ASAP2: variants seen among roughly 807,000 people sequenced by gnomAD.
ASAP2 encodes ArfGAP with SH3 domain, ankyrin repeat and PH domain 2.
In ASAP2, 45 loss-of-function variants were observed where a neutral mutation model predicts 131.4. The ratio of observed to expected loss-of-function variants is 0.34; its 90% CI spans 0.27 to 0.44. The LOEUF is 0.44. Ranked by LOEUF, ASAP2 falls within the 20% of genes least tolerant of loss-of-function variation. The pLI, the probability that ASAP2 is intolerant of heterozygous loss-of-function variation, is 1.00. For missense variants in ASAP2, 1,011 were observed against 1,297.0 expected (o/e 0.78, Z 3.39); for synonymous variants, 510 against 503.0 (o/e 1.01, Z -0.19).
At chr2:9,387,793 G>A (rs967061814) in intron 21 of ASAP2, among the ~76,000 whole-genome samples, 1 of 152,140 alleles carries the variant, frequency 6.6e-6, no homozygotes, top group African/African-American at 2.4e-5. Flanking sequence ...CTGAGACTGG[G>A]TAGTTTATAA....
Position 9,400,790 on chromosome 2 carries a change from T to G in ASAP2, c.2783T>G (p.Val928Gly). ...EALGPLSNAMVLQPPAPMPRK... is the reference protein window; with the variant it reads ...EALGPLSNAMGLQPPAPMPRK... ...CTGGGTCCTCTGTCCAATGCTATGG[T>G]CCTGCAGCCCCCTGCACCCATGCCT... Residue 928 changes from valine to glycine, a missense_variant, in exon 26 of 28, where the codon GTC becomes GGC. By Grantham distance (109) the Val-to-Gly change is moderately radical. Transcript: ENST00000281419. 1 of 1,613,728 alleles carries G rather than the reference T, an allele frequency of 6.2e-7. No individual in the cohort carries two copies. Among genetic ancestry groups the G allele is most frequent in the Non-Finnish European group, 8.5e-7 (1 of 1,179,964 alleles).
At chr2:9,309,429 A>G (rs919258365) in intron 3 of ASAP2, among the ~76,000 whole-genome samples, 3 of 152,206 alleles carry the variant, frequency 2.0e-5, no homozygotes, top group African/African-American at 7.2e-5. Context: ...AAAATTCCGG[A>G]AAGTGCAGTG....
At chr2:9,243,476 G>A (rs1250060340) in intron 1 of ASAP2, among the ~76,000 whole-genome samples, 1 of 152,144 alleles carries the variant, frequency 6.6e-6, no homozygotes, top group Non-Finnish European at 1.5e-5. Context: ...GAACTCAGAC[G>A]GAAAATGTGA....
Position 9,279,402 on chromosome 2 carries a change from C to T in ASAP2, c.199+13C>T, listed in dbSNP as rs755713728. 109 of 1,611,098 alleles carry T rather than the reference C, an allele frequency of 6.8e-5. No homozygotes were observed. Among genetic ancestry groups the T allele is most frequent in the Non-Finnish European group, 9.0e-5 (106 of 1,177,364 alleles). ...AGCTCTGGGCTGGGTGAGTATACAT[C>T]CTTCCCTAGAGGTTTCTGTGTGGAA... On this transcript the variant is annotated intron_variant, in intron 2 of 27. Coordinates refer to ENST00000281419, the MANE Select transcript of ASAP2 (RefSeq NM_003887.3).
chr2:9,348,987 C>G (rs181812298), intron 11 of ASAP2, among the ~76,000 whole-genome samples: 1 of 152,294 alleles, frequency 6.6e-6, no homozygotes, highest in African/African-American at 2.4e-5. Context: ...ATCCTAGCTT[C>G]CCCGCTCCCT....
rs776960593 is a variant in ASAP2, at chr2:9,388,461, C to A, written c.2298C>A (p.Leu766=). The A allele has an allele frequency of 6.2e-7, 1 of 1,614,030 alleles. No individual in the cohort carries two copies. The highest frequency in any genetic ancestry group is 2.2e-5 in the East Asian group (1 of 44,898). The change falls in exon 22 of 28, where the codon CTC becomes CTA. Residue 766 remains leucine (L), a synonymous_variant. Coordinates refer to ENST00000281419, the MANE Select transcript of ASAP2 (RefSeq NM_003887.3). ...TGCAGAATGAGACTTACGGAGCCCT[C>A]CTGAGTGGCAGCCCACCTCCCGCCC... is the stretch of plus-strand genomic sequence containing the variant. ...SILQNETYGA[L]LSGSPPPAQP...
chr2:9,392,797 G>C lies in ASAP2; in HGVS notation c.2519-685G>C, dbSNP rs1322483446. Among the ~76,000 whole-genome samples the C allele has an allele frequency of 6.6e-6, 1 of 152,180 alleles. No homozygotes were observed. Among genetic ancestry groups the C allele is most frequent in the Non-Finnish European group, 1.5e-5 (1 of 68,026 alleles). Reference sequence around the variant, plus strand: ...TATGTGTTACCCATCCTGAGGCCCAGTATGATAAGCCCGACATTTAGAGAG... The same window carrying C: ...TATGTGTTACCCATCCTGAGGCCCACTATGATAAGCCCGACATTTAGAGAG... On this transcript the variant is annotated intron_variant, in intron 23 of 27. Transcript: ENST00000281419. This position sits in a 1 kb window ranked among gnomAD's most constrained non-coding sequence, Gnocchi z 4.0.
chr2:9,361,459 G>A (rs115967869), intron 15 of ASAP2, among the ~76,000 whole-genome samples: 87 of 152,304 alleles, frequency 5.7e-4, no homozygotes, highest in African/African-American at 2.0e-3. Flanking sequence ...TAAGCAGTAC[G>A]TAGGGTGTCA....
chr2:9,360,363 A>T (rs952607636), intron 15 of ASAP2, among the ~76,000 whole-genome samples: 1 of 152,200 alleles, frequency 6.6e-6, no homozygotes, highest in African/African-American at 2.4e-5. Context: ...GCCTAGGGTT[A>T]TGAAGCTTTT....
chr2:9,315,441 G>A (rs1178424189), intron 3 of ASAP2, among the ~76,000 whole-genome samples: 1 of 152,198 alleles, frequency 6.6e-6, no homozygotes, highest in Admixed American at 6.5e-5. Context: ...GTTGAGAAGC[G>A]TGCCGCACGG....
chr2:9,331,542 C>T (rs1269840813), intron 7 of ASAP2, among the ~76,000 whole-genome samples: 2 of 152,028 alleles, frequency 1.3e-5, no homozygotes, highest in Admixed American at 6.5e-5. Flanking sequence ...CCAAGGGGGG[C>T]GGATCACCTG....
chr2:9,343,319 C>T (rs1301369883), intron 9 of ASAP2, among the ~76,000 whole-genome samples: 1 of 152,230 alleles, frequency 6.6e-6, no homozygotes, highest in Non-Finnish European at 1.5e-5. Context: ...TCCTGGTTGA[C>T]CTGTGAACAC....
At chr2:9,326,438 T>G (rs1670480475) in intron 6 of ASAP2, among the ~76,000 whole-genome samples, 1 of 151,822 alleles carries the variant, frequency 6.6e-6, no homozygotes, top group Non-Finnish European at 1.5e-5. Context: ...GTATGTCAAA[T>G]AGGTAGTACA....
intron 11 of ASAP2, among the ~76,000 whole-genome samples, chr2:9,346,755 C>T (rs901130389): frequency 6.6e-6 from 1 of 152,172 alleles, no homozygotes; most frequent in African/African-American, 2.4e-5. Flanking sequence ...TGAGAGTTCC[C>T]CTAGATCCAG....
chr2:9,301,818 A>ATC, intron 3 of ASAP2, among the ~76,000 whole-genome samples: 1 of 127,372 alleles, frequency 7.9e-6, no homozygotes, highest in Non-Finnish European at 1.7e-5. Context: ...TGTATCCATC[A>ATC]TCTTTTTTTT....
intron 1 of ASAP2, among the ~76,000 whole-genome samples, chr2:9,215,283 G>A (rs1661939607): frequency 6.6e-6 from 1 of 152,122 alleles, no homozygotes; most frequent in African/African-American, 2.4e-5. Flanking sequence ...TGACTGAAAT[G>A]TCACTATGTG....
At position 9,217,858 on chromosome 2, in the gene ASAP2, C is replaced by G. The variant is rs568173269; in HGVS notation, c.126+10628C>G. Among the ~76,000 whole-genome samples the G allele has an allele frequency of 1.5e-4, 22 of 151,468 alleles. No individual in the cohort carries two copies. Among genetic ancestry groups the G allele is most frequent in the African/African-American group, 4.4e-4 (18 of 41,272 alleles). ...CTTGATCTCCTGACCTCGTGAGGCA[C>G]CCACCTCGGCTTCCCAAAGTGCTGG... On this transcript the variant is annotated intron_variant, in intron 1 of 27. Transcript: ENST00000281419. This position sits in a 1 kb window ranked among gnomAD's most constrained non-coding sequence, Gnocchi z 4.0.
At chr2:9,271,631 G>A (rs750669838) in intron 1 of ASAP2, 7 of 948,048 alleles carry the variant, frequency 7.4e-6, no homozygotes, top group East Asian at 2.6e-5. Context: ...GTGGACATAC[G>A]ATCCAATTTC....
intron 27 of ASAP2, among the ~76,000 whole-genome samples, chr2:9,402,372 A>G (rs1426058383): frequency 6.6e-6 from 1 of 152,176 alleles, no homozygotes; most frequent in Non-Finnish European, 1.5e-5. Flanking sequence ...GCTCACGCCC[A>G]TAATCCCAGC....
Sources: allele counts gnomAD v4.1 joint callset (sites outside exome capture counted in the v4.1 genomes callset), GRCh38; gene constraint gnomAD v4.1.1; non-coding constraint Gnocchi (gnomAD v3.1); transcripts MANE v1.5; gene names NCBI Gene and HGNC (gene_info 2026-07-23, HGNC 2026-07-21).